Variants in REEP3 observed in about 807,000 individuals in gnomAD.
The protein encoded by REEP3 is receptor expression-enhancing protein 3.
In REEP3, 20 loss-of-function variants were observed where a neutral mutation model predicts 41.3. The ratio of observed to expected loss-of-function variants is 0.48; its 90% confidence interval spans 0.34 to 0.70. REEP3 has a LOEUF of 0.70. REEP3 is among the 30% of genes least tolerant of loss of function. The pLI, the probability that REEP3 is intolerant of heterozygous loss-of-function variation, is 0.01. For synonymous variants in REEP3, 104 were observed against 101.8 expected (o/e 1.02, Z -0.13); for missense variants, 271 against 308.8 (o/e 0.88, Z 0.92).
intron 1 of REEP3, among the ~76,000 whole-genome samples, chr10:63,534,095 A>C (rs1955452406): frequency 6.6e-6 from 1 of 152,098 alleles, no homozygotes; most frequent in African/African-American, 2.4e-5. Context: ...TTCTGTGTAG[A>C]GATATTCTAA....
chr10:63,532,054 A>G (rs1955425855), intron 1 of REEP3, among the ~76,000 whole-genome samples: 1 of 152,168 alleles, frequency 6.6e-6, no homozygotes, highest in South Asian at 2.1e-4. Flanking sequence ...TATAATCCAT[A>G]TTTTTTAGCC....
chr10:63,610,162 G>C, intron 5 of REEP3, 25 bp from the exon 6 acceptor site: 1 of 1,587,214 alleles, frequency 6.3e-7, no homozygotes, highest in Non-Finnish European at 8.6e-7. Context: ...TTTTTTCTTG[G>C]ACCTATCACT....
intron 5 of REEP3, among the ~76,000 whole-genome samples, chr10:63,605,451 C>T (rs369485014): frequency 2.0e-5 from 3 of 152,170 alleles, no homozygotes; most frequent in East Asian, 3.9e-4. Context: ...AGTGGCTATT[C>T]TTTACTGAAT....
intron 1 of REEP3, among the ~76,000 whole-genome samples, chr10:63,524,145 A>C (rs562307039): frequency 6.6e-6 from 1 of 152,322 alleles, no homozygotes; most frequent in Admixed American, 6.5e-5. Context: ...GAGAATATAA[A>C]CATCATTCTA....
intron 3 of REEP3, among the ~76,000 whole-genome samples, chr10:63,597,032 G>A (rs1956121776): frequency 6.6e-6 from 1 of 152,142 alleles, no homozygotes; most frequent in Non-Finnish European, 1.5e-5. Context: ...ATGGAGTGAG[G>A]GAGTCGAAGG....
intron 1 of REEP3, among the ~76,000 whole-genome samples, chr10:63,559,747 A>G (rs1483123359): frequency 6.6e-6 from 1 of 152,198 alleles, no homozygotes; most frequent in Non-Finnish European, 1.5e-5. Flanking sequence ...TGATATAAGT[A>G]AAGTGCTTAA....
intron 1 of REEP3, among the ~76,000 whole-genome samples, chr10:63,536,572 C>T (rs1955476262): frequency 6.6e-6 from 1 of 151,920 alleles, no homozygotes; most frequent in African/African-American, 2.4e-5. Flanking sequence ...GATTGTTGCC[C>T]AGTGAGAGTA....
intron 6 of REEP3, among the ~76,000 whole-genome samples, chr10:63,613,555 T>G (rs1160403291): frequency 2.0e-5 from 3 of 152,196 alleles, no homozygotes; most frequent in African/African-American, 7.2e-5. Context: ...AAAACTTTCA[T>G]CAAAACTTTC....
Position 63,539,693 on chromosome 10 carries a change from C to T in REEP3, c.32+18116C>T, listed in dbSNP as rs527282946. 2.0e-5 allele frequency among the ~76,000 whole-genome samples: 3 copies of T among 152,276 alleles called. No homozygotes were observed. The South Asian group carries it at 6.2e-4, about 32-fold the overall frequency. On this transcript the variant is annotated intron_variant, in intron 1 of 7. Coordinates refer to ENST00000373758, the MANE Select transcript of REEP3 (RefSeq NM_001001330.3). The stretch of plus-strand genomic sequence containing the variant: ...ATGATAAATTAAGATTATCCATTGT[C>T]ATAGAGACGCTTTGGGTTCTTCATT...
At chr10:63,524,747 G>A (rs1417389794) in intron 1 of REEP3, among the ~76,000 whole-genome samples, 1 of 152,106 alleles carries the variant, frequency 6.6e-6, no homozygotes, top group Non-Finnish European at 1.5e-5. Flanking sequence ...CCTGGCCCTG[G>A]ATACCACTGT....
intron 1 of REEP3, among the ~76,000 whole-genome samples, chr10:63,543,087 T>G (rs544550958): frequency 6.6e-6 from 1 of 152,330 alleles, no homozygotes; most frequent in Non-Finnish European, 1.5e-5. Context: ...CTCAGGAGTC[T>G]GTGTTCACTG....
chr10:63,619,511 A>C, intron 6 of REEP3, 144 bp from the exon 7 acceptor site: 1 of 583,658 alleles, frequency 1.7e-6, no homozygotes, highest in Non-Finnish European at 2.9e-6. Flanking sequence ...CTTAATGATA[A>C]AGGGCATGGA....
intron 1 of REEP3, among the ~76,000 whole-genome samples, chr10:63,553,239 G>A (rs1210496028): frequency 1.3e-5 from 2 of 152,192 alleles, no homozygotes; most frequent in Admixed American, 6.5e-5. Flanking sequence ...AAAAATTACT[G>A]TGTTGGAGAT....
Position 63,621,070 on chromosome 10 carries a change from A to G in REEP3, c.*201A>G. 1 of 443,560 alleles carries G rather than the reference A, an allele frequency of 2.3e-6. No homozygotes were observed. Among genetic ancestry groups the G allele is most frequent in the East Asian group, 3.6e-5 (1 of 27,872 alleles). 27.5% of individuals were successfully genotyped at this position (443,560 alleles called of 1,614,324 possible). A position where few individuals can be genotyped will look rare whatever the true frequency, so the allele number is the denominator to read the frequency against. On this transcript the variant is annotated 3_prime_UTR_variant, in exon 8 of 8. Coordinates refer to ENST00000373758, the MANE Select transcript of REEP3 (RefSeq NM_001001330.3). ...TGACTACTAAAGGCAGTTCTGCAAG[A>G]TGTACTAAATATGTATATTAGAAAT...
chr10:63,591,806 C>A (rs531299638), intron 2 of REEP3, among the ~76,000 whole-genome samples: 1 of 152,166 alleles, frequency 6.6e-6, no homozygotes, highest in Admixed American at 6.5e-5. Flanking sequence ...TTCCACAATT[C>A]GTCATTCAGG....
At chr10:63,610,764 T>C (rs1055872366) in intron 6 of REEP3, among the ~76,000 whole-genome samples, 3 of 152,154 alleles carry the variant, frequency 2.0e-5, no homozygotes, top group Non-Finnish European at 1.5e-5. Context: ...AAATTAGTAC[T>C]TGCTAGGCCA....
At chr10:63,610,582 A>T (rs1038073413) in intron 6 of REEP3, among the ~76,000 whole-genome samples, 1 of 151,704 alleles carries the variant, frequency 6.6e-6, no homozygotes. Context: ...GTAAAATTAA[A>T]ATATATATAT....
intron 1 of REEP3, among the ~76,000 whole-genome samples, chr10:63,556,690 C>T: frequency 7.9e-6 from 1 of 126,564 alleles, no homozygotes; most frequent in Non-Finnish European, 1.6e-5. Context: ...GGCTGGAGTG[C>T]AGTGGCGGGA....
intron 2 of REEP3, among the ~76,000 whole-genome samples, chr10:63,588,455 G>T (rs1956027841): frequency 6.8e-6 from 1 of 147,444 alleles, no homozygotes. Context: ...AAAAAAAAAA[G>T]ATATCTTAAA....
Sources: allele counts gnomAD v4.1 joint callset (sites outside exome capture counted in the v4.1 genomes callset), GRCh38; gene constraint gnomAD v4.1.1; transcripts MANE v1.5; gene names NCBI Gene and HGNC (gene_info 2026-07-23, HGNC 2026-07-21).